SAMD4A: variants seen among roughly 807,000 people sequenced by gnomAD.
SAMD4A encodes the protein sterile alpha motif domain containing 4A.
In SAMD4A, 33 loss-of-function variants were observed where a neutral mutation model predicts 81.3. The ratio of observed to expected loss-of-function variants is 0.41; its 90% CI spans 0.31 to 0.54. The LOEUF (loss-of-function observed/expected upper bound fraction) is 0.54, where lower values mean the gene tolerates loss of function less well. Among genes scored for constraint, SAMD4A ranks in the 20% least tolerant of loss-of-function variants. The pLI is 0.37. For missense variants in SAMD4A, 854 were observed against 951.1 expected, an observed-to-expected ratio of 0.90 and a Z score of 1.34; for synonymous variants, 389 against 382.1, an observed-to-expected ratio of 1.02 and a Z score of -0.21.
intron 11 of SAMD4A, among the ~76,000 whole-genome samples, chr14:54,778,856 GGCCAGGA>G (rs2139957447): frequency 6.6e-6 from 1 of 152,328 alleles, no homozygotes; most frequent in African/African-American, 2.4e-5. Context: ...GGCAGGGCCT[GGCCAGGA>G]CCCAGGATCC....
chr14:54,687,641 G>C (rs2036310652), intron 2 of SAMD4A, among the ~76,000 whole-genome samples: 1 of 152,118 alleles, frequency 6.6e-6, no homozygotes, highest in Non-Finnish European at 1.5e-5. Flanking sequence ...AGGCAGCCAG[G>C]TCCCCTGGAC....
At chr14:54,581,861 C>A (rs1333838666) in intron 2 of SAMD4A, among the ~76,000 whole-genome samples, 2 of 152,202 alleles carry the variant, frequency 1.3e-5, no homozygotes, top group African/African-American at 4.8e-5. Context: ...CTCAGCTAAA[C>A]AAGAAAATAA....
intron 2 of SAMD4A, among the ~76,000 whole-genome samples, chr14:54,595,462 G>GTA (rs1162632851): frequency 4.0e-5 from 6 of 148,678 alleles, no homozygotes; most frequent in Admixed American, 3.4e-4. Flanking sequence ...TATACTGTAT[G>GTA]TATATATATG....
intron 7 of SAMD4A, among the ~76,000 whole-genome samples, chr14:54,762,471 T>G (rs898970872): frequency 1.2e-4 from 19 of 152,336 alleles, no homozygotes; most frequent in African/African-American, 4.3e-4. Flanking sequence ...ACAGCTTCCC[T>G]TGGAGCTTGA....
Position 54,676,579 on chromosome 14 carries a change from C to T in SAMD4A, c.197-25483C>T, listed in dbSNP as rs567404485. ...TTTATTTCTAGTAAAGACAGGGTTT[C>T]ACCATGTTGGCAAGGCTGGTCTCAA... is the stretch of plus-strand genomic sequence containing the variant. On this transcript the variant is annotated intron_variant, in intron 2 of 12. Transcript: ENST00000554335. 4.6e-5 allele frequency among the ~76,000 whole-genome samples: 7 copies of T among 152,114 alleles called. No homozygotes were observed. The East Asian group carries it at 1.4e-3, about 29-fold the overall frequency.
intron 2 of SAMD4A, among the ~76,000 whole-genome samples, chr14:54,579,068 A>C (rs552547238): frequency 2.6e-5 from 4 of 152,340 alleles, no homozygotes; most frequent in Non-Finnish European, 5.9e-5. Context: ...TGACCATATG[A>C]TATTCCTTGA....
At chr14:54,685,277 C>A (rs990942010) in intron 2 of SAMD4A, among the ~76,000 whole-genome samples, 1 of 147,036 alleles carries the variant, frequency 6.8e-6, no homozygotes, top group Non-Finnish European at 1.5e-5. Flanking sequence ...TCTTCCTGCC[C>A]CCCCCCCCAG....
chr14:54,604,847 A>G (rs1414468380), intron 2 of SAMD4A, among the ~76,000 whole-genome samples: 2 of 152,192 alleles, frequency 1.3e-5, no homozygotes, highest in African/African-American at 2.4e-5. Flanking sequence ...CACCCAGCCT[A>G]AAAAACAGAA....
chr14:54,734,150 C>T (rs2037631186), intron 3 of SAMD4A, among the ~76,000 whole-genome samples: 1 of 152,220 alleles, frequency 6.6e-6, no homozygotes, highest in African/African-American at 2.4e-5. Context: ...GCCAAGGCAC[C>T]TGTCACCTGT....
Position 54,617,882 on chromosome 14 carries a change from T to A in SAMD4A, c.196+49770T>A, listed in dbSNP as rs1314966551. Among the ~76,000 whole-genome samples, 3 of 152,266 alleles carry A rather than the reference T, an allele frequency of 2.0e-5. No individual in the cohort carries two copies. The East Asian group carries it at 5.8e-4, about 29-fold the overall frequency. ...ATATAAATTGTTTTCACAACTTTATTGATAACTACACTGGTTGGAAAAAAA... is the reference window on the plus strand; with the variant it reads ...ATATAAATTGTTTTCACAACTTTATAGATAACTACACTGGTTGGAAAAAAA... On this transcript the variant is annotated intron_variant, in intron 2 of 12. Transcript: ENST00000554335.
At chr14:54,599,656 G>A (rs2034003721) in intron 2 of SAMD4A, among the ~76,000 whole-genome samples, 1 of 152,142 alleles carries the variant, frequency 6.6e-6, no homozygotes, top group South Asian at 2.1e-4. Context: ...TCCATTTAGT[G>A]GAGACAGCAC....
chr14:54,623,071 C>G (rs2034655215), intron 2 of SAMD4A, among the ~76,000 whole-genome samples: 1 of 152,194 alleles, frequency 6.6e-6, no homozygotes. Context: ...TCTCCCAGCT[C>G]CCATGAGTGC....
chr14:54,777,992 C>T (rs2038902710), intron 11 of SAMD4A, among the ~76,000 whole-genome samples: 1 of 152,152 alleles, frequency 6.6e-6, no homozygotes, highest in Non-Finnish European at 1.5e-5. Flanking sequence ...TGTTTTCACG[C>T]AGAATTATGT....
At chr14:54,635,324 C>G (rs137874591) in intron 2 of SAMD4A, among the ~76,000 whole-genome samples, 3,475 of 148,782 alleles carry the variant, frequency 0.023, 221 homozygotes, top group African/African-American at 0.087. Context: ...ACTCAGGAGG[C>G]TGAGGCAGGA....
intron 8 of SAMD4A, among the ~76,000 whole-genome samples, chr14:54,768,248 G>A (rs539051530): frequency 5.9e-5 from 9 of 152,232 alleles, no homozygotes; most frequent in African/African-American, 1.4e-4. Flanking sequence ...ACCACCAAAC[G>A]GCCGGTCTGT....
chr14:54,762,106 T>C (rs572199164), intron 7 of SAMD4A, among the ~76,000 whole-genome samples: 26 of 152,118 alleles, frequency 1.7e-4, no homozygotes, highest in African/African-American at 6.3e-4. Context: ...TCGGGGAGGG[T>C]AGACTCCACA....
chr14:54,754,765 G>A, intron 6 of SAMD4A: 1 of 943,780 alleles, frequency 1.1e-6, no homozygotes, highest in Non-Finnish European at 1.3e-6. Context: ...GATAGCTGGG[G>A]CCCCGCCCAT....
chr14:54,687,326 T>C, intron 2 of SAMD4A: 1 of 456,666 alleles, frequency 2.2e-6, no homozygotes. Context: ...TTGGATGTTC[T>C]TGGCATCTCG....
At chr14:54,750,166 GA>G (rs200849195) in intron 5 of SAMD4A, among the ~76,000 whole-genome samples, 1 of 151,802 alleles carries the variant, frequency 6.6e-6, no homozygotes. Flanking sequence ...TCGACTTGAG[GA>G]AAAAAAACAA....
Sources: gnomAD v4.1 joint callset for allele counts (sites outside exome capture counted in the v4.1 genomes callset) on GRCh38, gnomAD v4.1.1 for gene constraint, MANE v1.5 for transcripts, NCBI Gene and HGNC (gene_info 2026-07-23, HGNC 2026-07-21) for gene names.